Variants in MGA observed in about 807,000 individuals in gnomAD.
MGA encodes MAX dimerization protein MGA, also known as MAX gene-associated protein.
In MGA, 40 loss-of-function variants were observed where a neutral mutation model predicts 261.1. The observed-to-expected ratio is 0.15, with a 90% CI of 0.12 to 0.20. The LOEUF is 0.20. MGA is among the 10% of genes least tolerant of loss of function. MGA has a pLI of 1.00. For synonymous variants in MGA, 1,302 were observed against 1,290.6 expected (o/e 1.01, Z -0.19); for missense variants, 3,397 against 3,630.5 (o/e 0.94, Z 1.65).
intron 11 of MGA, among the ~76,000 whole-genome samples, chr15:41,731,023 C>G (rs2061482760): frequency 1.3e-5 from 2 of 152,148 alleles, no homozygotes; most frequent in Admixed American, 1.3e-4. Flanking sequence ...GGACATCCAA[C>G]CAATTTTCTA....
chr15:41,717,135 C>T (rs1211244323), intron 9 of MGA, among the ~76,000 whole-genome samples: 1 of 129,362 alleles, frequency 7.7e-6, no homozygotes, highest in African/African-American at 3.0e-5. Context: ...GCCAAGTCCT[C>T]ATGCTTTTTC....
chr15:41,734,613 T>A lies in MGA; in HGVS notation c.3916+19T>A. The A allele has an allele frequency of 6.6e-7, 1 of 1,521,538 alleles. No individual in the cohort carries two copies. Among genetic ancestry groups the A allele is most frequent in the Non-Finnish European group, 9.0e-7 (1 of 1,114,796 alleles). 94.3% of individuals were successfully genotyped at this position (1,521,538 alleles called of 1,614,324 possible). A position where few individuals can be genotyped will look rare whatever the true frequency, so the allele number is the denominator to read the frequency against. On this transcript the variant is annotated intron_variant, in intron 12 of 23. Coordinates refer to ENST00000219905, the MANE Select transcript of MGA (RefSeq NM_001164273.2). ...TTACAAGGTCAGAATGAAAACTAGA[T>A]CTTAACATTTGATAAAAATTATTTA...
At chr15:41,695,474 A>T (rs1275805802) in intron 2 of MGA, among the ~76,000 whole-genome samples, 1 of 152,248 alleles carries the variant, frequency 6.6e-6, no homozygotes, top group African/African-American at 2.4e-5. Flanking sequence ...GGCGTGAGCC[A>T]TCGCTCCTGC....
Position 41,668,997 on chromosome 15 carries a change from A to G in MGA, c.103A>G (p.Lys35Glu). 1 of 1,613,694 alleles carries G rather than the reference A, an allele frequency of 6.2e-7. No individual in the cohort carries two copies. The highest frequency in any genetic ancestry group is 8.5e-7 in the Non-Finnish European group (1 of 1,179,630). Reference sequence around the variant, plus strand: ...CATCTTAAAGCAGCCAGGAAATGGCAAAACTGATCAAGGAATTTTGGTTAC... The same window carrying G: ...CATCTTAAAGCAGCCAGGAAATGGCGAAACTGATCAAGGAATTTTGGTTAC... The change falls in exon 2 of 24, where the codon AAA becomes GAA. Residue 35 changes from lysine (K) to glutamate (E), a missense_variant. Physicochemically the swap from Lys to Glu is moderately conservative, Grantham distance 56. Transcript: ENST00000219905.
chr15:41,629,707 C>T (rs960691225), intron 1 of MGA, among the ~76,000 whole-genome samples: 23 of 151,896 alleles, frequency 1.5e-4, no homozygotes, highest in African/African-American at 4.4e-4. Flanking sequence ...CCAGCCTGCG[C>T]GACAAATGGA....
chr15:41,740,295 T>A, intron 14 of MGA, 92 bp downstream of exon 14: 1 of 1,316,880 alleles, frequency 7.6e-7, no homozygotes, highest in Non-Finnish European at 1.0e-6. Context: ...ATTAGAGAAA[T>A]ATGTACTTTG....
At position 41,707,113 on chromosome 15, in the gene MGA, G is replaced by A. The variant is rs977454132; in HGVS notation, c.2189-615G>A. Among the ~76,000 whole-genome samples, 5 of 152,312 alleles carry A rather than the reference G, an allele frequency of 3.3e-5. 1 individual carries two copies. The South Asian group carries it at 1.0e-3, about 32-fold the overall frequency. ...TTAGACAGTCTCTGGACCACAAAGA[G>A]TTAAAGCACAAGAGATCTGAATTTT... On this transcript the variant is annotated intron_variant, in intron 5 of 23. Coordinates refer to ENST00000219905, the MANE Select transcript of MGA (RefSeq NM_001164273.2).
chr15:41,724,837 C>T (rs1376118072), intron 9 of MGA, among the ~76,000 whole-genome samples: 1 of 145,272 alleles, frequency 6.9e-6, no homozygotes, highest in East Asian at 2.3e-4. Flanking sequence ...AATTTTTAAA[C>T]CTTTATTCAA....
Position 41,668,886 on chromosome 15 carries a change from A to G in MGA, c.-9A>G, listed in dbSNP as rs762737693. ...CAGTTGTCTTACTACTGAGTTTCCT[A>G]CTGAAATCATGGAGGAGAAACAGCA... On this transcript the variant is annotated 5_prime_UTR_variant, in exon 2 of 24. Transcript: ENST00000219905. 6.5e-6 allele frequency: 10 copies of G among 1,538,016 alleles called. No individual in the cohort carries two copies. The Admixed American group carries it at 1.7e-4, about 26-fold the overall frequency.
chr15:41,742,640 A>G lies in MGA; in HGVS notation c.4680A>G (p.Gln1560=). 2 of 1,613,932 alleles carry G rather than the reference A, an allele frequency of 1.2e-6. No homozygotes were observed. Among genetic ancestry groups the G allele is most frequent in the South Asian group, 1.1e-5 (1 of 91,074 alleles). Residue 1560 remains glutamine, a synonymous_variant, in exon 15 of 24, where the codon CAA becomes CAG. Coordinates refer to ENST00000219905, the MANE Select transcript of MGA (RefSeq NM_001164273.2). Reference sequence around the variant, plus strand: ...AGATACCTGGAGTTAGCACACCCCAAACCCTGGCAGGGACACAGAAGTTCA... The same window carrying G: ...AGATACCTGGAGTTAGCACACCCCAGACCCTGGCAGGGACACAGAAGTTCA...
chr15:41,636,029 G>A (rs2056696788), intron 1 of MGA, among the ~76,000 whole-genome samples: 1 of 152,106 alleles, frequency 6.6e-6, no homozygotes, highest in South Asian at 2.1e-4. Flanking sequence ...ATAATATATA[G>A]TGGATATACA....
At chr15:41,621,397 C>A (rs1286992007) in intron 1 of MGA, 1 of 152,318 alleles carries the variant, frequency 6.6e-6, no homozygotes, top group Non-Finnish European at 1.5e-5. Context: ...TCTAACTACC[C>A]TCCCTCTCCG....
intron 1 of MGA, among the ~76,000 whole-genome samples, chr15:41,645,673 T>C (rs920081288): frequency 5.9e-5 from 9 of 152,230 alleles, no homozygotes; most frequent in African/African-American, 2.2e-4. Context: ...CCTCCCCAAT[T>C]GCACAAGTAG....
intron 2 of MGA, among the ~76,000 whole-genome samples, chr15:41,695,024 T>C (rs937991705): frequency 1.3e-5 from 2 of 152,146 alleles, no homozygotes; most frequent in Non-Finnish European, 2.9e-5. Flanking sequence ...AGTGAATATA[T>C]ATAGTGGTGT....
rs2063248022 is a variant in MGA, at chr15:41,758,112, T to C, written c.7191+273T>C. On this transcript the variant is annotated intron_variant, in intron 19 of 23. Transcript: ENST00000219905. ...AGAATATATGTGGTTATTTGAAAAC[T>C]GTTCTTGTAATGGTCTGATGTAAAA... Among the ~76,000 whole-genome samples, 3 of 152,146 alleles carry C rather than the reference T, an allele frequency of 2.0e-5. No individual in the cohort carries two copies. In the South Asian group the frequency reaches 6.2e-4, roughly 32 times the overall value.
chr15:41,720,604 G>A (rs2060886312), intron 9 of MGA, among the ~76,000 whole-genome samples: 2 of 152,070 alleles, frequency 1.3e-5, no homozygotes, highest in African/African-American at 4.8e-5. Context: ...GGCCGAGGTG[G>A]GCAGATTGCC....
intron 9 of MGA, 81 bp from the exon 10 acceptor site, chr15:41,727,099 C>A (rs373871750): frequency 9.8e-7 from 1 of 1,016,174 alleles, no homozygotes; most frequent in African/African-American, 1.6e-5. Context: ...TGTGAGGGAG[C>A]GTATTTTGTT....
At position 41,749,934 on chromosome 15, in the gene MGA, T is replaced by A; in HGVS notation, c.6327T>A (p.Leu2109=). The A allele has an allele frequency of 6.2e-7, 1 of 1,613,802 alleles. No individual in the cohort carries two copies. Among genetic ancestry groups the A allele is most frequent in the Non-Finnish European group, 8.5e-7 (1 of 1,179,846 alleles). Residue 2109 remains leucine, a synonymous_variant, in exon 17 of 24, where the codon CTT becomes CTA. Transcript: ENST00000219905. ...TAAGTAAAGTACAGCATCAAAAACT[T>A]GGTGATGTGAAGGTGGAACAGCAGA... is the stretch of plus-strand genomic sequence containing the variant.
chr15:41,703,004 A>G (rs2059926590), intron 5 of MGA, among the ~76,000 whole-genome samples: 1 of 152,150 alleles, frequency 6.6e-6, no homozygotes, highest in Non-Finnish European at 1.5e-5. Flanking sequence ...CTAACATAAG[A>G]TTGGTACATT....
Sources: allele counts gnomAD v4.1 joint callset (sites outside exome capture counted in the v4.1 genomes callset), GRCh38; gene constraint gnomAD v4.1.1; transcripts MANE v1.5; gene names NCBI Gene and HGNC (gene_info 2026-07-23, HGNC 2026-07-21).